Variants in REEP1 observed in about 807,000 individuals in gnomAD.
The protein encoded by REEP1 is receptor accessory protein 1.
Under a neutral mutation model 40.3 loss-of-function variants are expected in REEP1, and 22 were observed. That is an observed-to-expected ratio of 0.55 (90% CI 0.39 to 0.78). REEP1 has a LOEUF of 0.78. Ranked by LOEUF, REEP1 falls within the 30% of genes least tolerant of loss-of-function variation. The pLI is 0.00. For synonymous variants in REEP1, 116 were observed against 139.2 expected, an observed-to-expected ratio of 0.83 and a Z score of 1.17; for missense variants, 280 against 361.1, an observed-to-expected ratio of 0.78 and a Z score of 1.82.
At chr2:86,302,189 A>C (rs4832275) in intron 1 of REEP1, among the ~76,000 whole-genome samples, 132,963 of 152,226 alleles carry the variant, frequency 0.87, 58,457 homozygotes, top group East Asian at 0.96. Flanking sequence ...CCCAGACTCC[A>C]GCCTGGAAAA....
chr2:86,249,132 G>A (rs982027507), intron 5 of REEP1, among the ~76,000 whole-genome samples: 3 of 152,070 alleles, frequency 2.0e-5, no homozygotes, highest in African/African-American at 7.2e-5. Flanking sequence ...GGTGGCAGGC[G>A]CCTATAATCC....
At chr2:86,328,804 G>A (rs560095517) in intron 1 of REEP1, among the ~76,000 whole-genome samples, 63 of 152,356 alleles carry the variant, frequency 4.1e-4, no homozygotes, top group African/African-American at 1.5e-3. Flanking sequence ...GAAGCATGCA[G>A]GTGAGCAGGT....
intron 1 of REEP1, among the ~76,000 whole-genome samples, chr2:86,332,691 C>G (rs766425504): frequency 6.6e-6 from 1 of 152,198 alleles, no homozygotes; most frequent in Middle Eastern, 3.2e-3. Flanking sequence ...AAATAAGACA[C>G]AGTGGGAAGA....
chr2:86,275,203 G>C (rs1239671311), intron 2 of REEP1, among the ~76,000 whole-genome samples: 1 of 151,152 alleles, frequency 6.6e-6, no homozygotes, highest in Non-Finnish European at 1.5e-5. Context: ...ACCGTGGATG[G>C]CTATATAGTC....
intron 1 of REEP1, among the ~76,000 whole-genome samples, chr2:86,287,828 C>T (rs993800493): frequency 2.0e-5 from 3 of 152,104 alleles, no homozygotes; most frequent in Admixed American, 6.6e-5. Flanking sequence ...TTATCATTCT[C>T]ACTATGTTTT....
intron 5 of REEP1, among the ~76,000 whole-genome samples, chr2:86,237,949 A>C (rs1448037787): frequency 6.6e-6 from 1 of 152,142 alleles, no homozygotes; most frequent in Non-Finnish European, 1.5e-5. Flanking sequence ...TGGAAGGCCA[A>C]GGTGAGTGGA....
chr2:86,254,271 T>C (rs1175931959), intron 4 of REEP1, among the ~76,000 whole-genome samples: 1 of 152,182 alleles, frequency 6.6e-6, no homozygotes, highest in Non-Finnish European at 1.5e-5. Flanking sequence ...GCTCAAGTGA[T>C]TCTCCCACCT....
intron 1 of REEP1, among the ~76,000 whole-genome samples, chr2:86,294,480 G>A (rs1295624200): frequency 2.0e-5 from 3 of 152,098 alleles, no homozygotes; most frequent in Non-Finnish European, 4.4e-5. Flanking sequence ...TAAGAAAACA[G>A]AATATATAAT....
intron 2 of REEP1, 78 bp from the exon 3 acceptor site, chr2:86,264,119 C>G (rs1372714093): frequency 2.7e-6 from 3 of 1,121,358 alleles, no homozygotes; most frequent in East Asian, 2.4e-5. Flanking sequence ...GAACAGGCCC[C>G]GGCGGCAGAT....
rs897103889 is a variant in REEP1 at position 86,220,107 on chromosome 2, C to T, written c.646G>A (p.Val216Met). 5 of 1,232,078 alleles carry T rather than the reference C, an allele frequency of 4.1e-6. No individual in the cohort carries two copies. Among genetic ancestry groups the T allele is most frequent in the Non-Finnish European group, 2.0e-6 (2 of 987,994 alleles). The allele number at this position is 1,232,078 out of a possible 1,614,324, so 76.3% of individuals were successfully genotyped here. A position where few individuals can be genotyped will look rare whatever the true frequency, so the allele number is the denominator to read the frequency against. ...CRTWKVVEGDVNEGGMKAWEP... is the reference protein window; with the variant it reads ...CRTWKVVEGDMNEGGMKAWEP... ...CATGCCTTCATACCACCCTCATTCA[C>T]ATCTCCCTCAACCACTTAATGTCCA... Residue 216 changes from valine (V) to methionine (M), a missense_variant, in exon 8 of 9, where the codon GTG becomes ATG. This residue lies in a region of REEP1 where 201 missense variants were observed against 238.5 expected (regional missense o/e 0.84). Coordinates refer to ENST00000538924, the MANE Select transcript of REEP1 (RefSeq NM_001371279.1).
chr2:86,331,731 A>T (rs1680775123), intron 1 of REEP1, among the ~76,000 whole-genome samples: 1 of 152,152 alleles, frequency 6.6e-6, no homozygotes, highest in Middle Eastern at 3.2e-3. Flanking sequence ...CAAATAACAG[A>T]TGCTCTCTGT....
chr2:86,247,297 G>A (rs559652048), intron 5 of REEP1, among the ~76,000 whole-genome samples: 1 of 152,294 alleles, frequency 6.6e-6, no homozygotes, highest in East Asian at 1.9e-4. Context: ...GGTTAGCCTT[G>A]TAGGAAATTG....
intron 1 of REEP1, among the ~76,000 whole-genome samples, chr2:86,310,661 T>C (rs1443353967): frequency 6.6e-6 from 1 of 152,178 alleles, no homozygotes; most frequent in African/African-American, 2.4e-5. Flanking sequence ...TAATCTTTCC[T>C]AGATGAGGAA....
intron 1 of REEP1, among the ~76,000 whole-genome samples, chr2:86,321,080 G>C (rs1052219924): frequency 6.6e-6 from 1 of 152,080 alleles, no homozygotes; most frequent in African/African-American, 2.4e-5. Flanking sequence ...GCCTCCCAAA[G>C]AAGTGCTGGG....
chr2:86,231,364 A>G (rs1270939233), intron 6 of REEP1, among the ~76,000 whole-genome samples: 1 of 152,236 alleles, frequency 6.6e-6, no homozygotes, highest in Non-Finnish European at 1.5e-5. Flanking sequence ...GAAAAGCCAC[A>G]GTCTTAAGAC....
chr2:86,332,235 G>A (rs1863052), intron 1 of REEP1, among the ~76,000 whole-genome samples: 94,470 of 151,762 alleles, frequency 0.62, 30,542 homozygotes, highest in African/African-American at 0.81. Context: ...ATCGAGAGGA[G>A]AACATCCTTA....
chr2:86,278,131 G>T (rs1677866790), intron 2 of REEP1, among the ~76,000 whole-genome samples: 1 of 152,134 alleles, frequency 6.6e-6, no homozygotes, highest in Non-Finnish European at 1.5e-5. Flanking sequence ...CAAGAGTCAT[G>T]ATTCCACCCT....
intron 5 of REEP1, among the ~76,000 whole-genome samples, chr2:86,236,891 C>T (rs550251871): frequency 7.9e-5 from 12 of 152,272 alleles, no homozygotes; most frequent in East Asian, 7.7e-4. Context: ...CCCGCCACCA[C>T]GCCTGGCTAA....
Position 86,337,225 on chromosome 2 carries a change from C to T in REEP1, c.32+254G>A. On this transcript the variant is annotated intron_variant, in intron 1 of 8. Transcript: ENST00000538924. The surrounding 1 kb of genome is among the most constrained non-coding windows in gnomAD (Gnocchi z 5.8). ...GCAGCCCCCACGGAACCCCCGAGCG[C>T]CCCAGCCCTCGCCGTCCCGGCCCAG... 1 of 221,530 alleles carries T rather than the reference C, an allele frequency of 4.5e-6. No homozygotes were observed. The highest frequency in any genetic ancestry group is 8.8e-6 in the Non-Finnish European group (1 of 114,062). 13.7% of individuals were successfully genotyped at this position (221,530 alleles called of 1,614,324 possible).
Sources: gnomAD v4.1 joint callset for allele counts (sites outside exome capture counted in the v4.1 genomes callset) on GRCh38, gnomAD v4.1.1 for gene constraint, gnomAD v4.1.1 regional missense constraint, Gnocchi (gnomAD v3.1) non-coding constraint, MANE v1.5 for transcripts, NCBI Gene and HGNC (gene_info 2026-07-23, HGNC 2026-07-21) for gene names.